Variants in GPN2 observed in about 807,000 individuals in gnomAD.
The protein encoded by GPN2 is ATP-binding domain 1 family member B.
In GPN2, 27 loss-of-function variants were observed where a neutral mutation model predicts 30.1. The ratio of observed to expected loss-of-function variants is 0.90; its 90% CI spans 0.66 to 1.24. The LOEUF is 1.24. GPN2 is among the 50% of genes most tolerant of loss of function. The pLI, the probability that GPN2 is intolerant of heterozygous loss-of-function variation, is 0.00. For synonymous variants in GPN2, 212 were observed against 174.4 expected (o/e 1.22, Z -1.70); for missense variants, 406 against 405.4 (o/e 1.00, Z -0.01).
intron 2 of GPN2, among the ~76,000 whole-genome samples, chr1:26,886,936 T>C (rs995726688): frequency 3.4e-5 from 5 of 145,648 alleles, no homozygotes; most frequent in African/African-American, 1.3e-4. Context: ...GAGGATGCAG[T>C]GAGCCGAGAT....
At chr1:26,882,898 T>C (rs2081871583) in intron 4 of GPN2, among the ~76,000 whole-genome samples, 2 of 152,202 alleles carry the variant, frequency 1.3e-5, no homozygotes, top group Non-Finnish European at 2.9e-5. Flanking sequence ...GCCTCAGTGA[T>C]TAGTACAACC....
chr1:26,888,800 G>C, intron 2 of GPN2, 169 bp downstream of exon 2: 1 of 671,544 alleles, frequency 1.5e-6, no homozygotes, highest in South Asian at 1.8e-5. Context: ...AATCTACAAC[G>C]GTAACTAGCA....
intron 2 of GPN2, among the ~76,000 whole-genome samples, chr1:26,887,632 G>C (rs1045200393): frequency 1.3e-5 from 2 of 151,740 alleles, no homozygotes; most frequent in African/African-American, 2.4e-5. Flanking sequence ...CATGATCTCG[G>C]CTCACTGCAA....
Position 26,889,140 on chromosome 1 carries a change from A to G in GPN2, c.412-15T>C. On this transcript the variant is annotated splice_polypyrimidine_tract_variant and intron_variant, in intron 1 of 4. Coordinates refer to ENST00000374135, the MANE Select transcript of GPN2 (RefSeq NM_018066.4). ...ACGGCAGTCAGCTGGGAGGGAATAG[A>G]CAGGGTGAGAGTGGCCTGGAGAAAC... The G allele has an allele frequency of 6.2e-7, 1 of 1,610,322 alleles. No individual in the cohort carries two copies. The highest frequency in any genetic ancestry group is 1.1e-5 in the South Asian group (1 of 90,978).
rs1312759995 is a variant in GPN2, at chr1:26,876,800, T to C, written c.*2877A>G. The stretch of plus-strand genomic sequence containing the variant: ...AGAAAATACCCTTGCTGTCAAACCA[T>C]GGCCTGAAAATAAAGGCCTTGGATT... On this transcript the variant is annotated 3_prime_UTR_variant, in exon 5 of 5. Transcript: ENST00000374135. 6.6e-6 allele frequency: 1 copy of C among 151,930 alleles called. No individual in the cohort carries two copies. The highest frequency in any genetic ancestry group is 1.9e-4 in the East Asian group (1 of 5,192). 9.4% of individuals were successfully genotyped at this position (151,930 alleles called of 1,614,324 possible).
intron 2 of GPN2, among the ~76,000 whole-genome samples, chr1:26,888,180 A>AC (rs2081901334): frequency 6.6e-6 from 1 of 151,874 alleles, no homozygotes; most frequent in African/African-American, 2.4e-5. Flanking sequence ...ATTTATCAAG[A>AC]AAAAAAAGCT....
At chr1:26,880,664 C>G (rs1439209023) in intron 4 of GPN2, among the ~76,000 whole-genome samples, 1 of 152,138 alleles carries the variant, frequency 6.6e-6, no homozygotes, top group Non-Finnish European at 1.5e-5. Context: ...TGGGGTCTCA[C>G]TATGTTACCC....
chr1:26,885,150 T>C (rs950420057), intron 3 of GPN2, among the ~76,000 whole-genome samples: 2 of 152,176 alleles, frequency 1.3e-5, no homozygotes, highest in Admixed American at 6.5e-5. Context: ...ATTGTTGTGA[T>C]TGATATTATA....
In GPN2 at chr1:26,889,674, C is replaced by G. The variant is rs371499489; in HGVS notation, c.411+12G>C. 17 of 1,560,210 alleles carry G rather than the reference C, an allele frequency of 1.1e-5. No homozygotes were observed. The highest frequency in any genetic ancestry group is 1.4e-5 in the Non-Finnish European group (16 of 1,149,674). ...CCATCCGCAAAATGGGCCTCCCCGC[C>G]CTGAGACGCACCCTGAGGTCCCACT... On this transcript the variant is annotated intron_variant, in intron 1 of 4. Transcript: ENST00000374135.
intron 4 of GPN2, among the ~76,000 whole-genome samples, chr1:26,882,053 T>C (rs888862380): frequency 6.6e-6 from 1 of 152,072 alleles, no homozygotes; most frequent in Non-Finnish European, 1.5e-5. Context: ...CTGTCTCTAC[T>C]AAAAATACAA....
At chr1:26,888,730 G>A (rs1447723390) in intron 2 of GPN2, among the ~76,000 whole-genome samples, 1 of 152,204 alleles carries the variant, frequency 6.6e-6, no homozygotes, top group Non-Finnish European at 1.5e-5. Context: ...AATATTCACT[G>A]TCGTATCACT....
At chr1:26,885,044 C>T (rs754519950) in intron 3 of GPN2, among the ~76,000 whole-genome samples, 3 of 152,166 alleles carry the variant, frequency 2.0e-5, no homozygotes, top group Non-Finnish European at 4.4e-5. Flanking sequence ...GTGATAAGAA[C>T]AGTCCATATA....
chr1:26,889,180 C>T lies in GPN2; in HGVS notation c.412-55G>A, dbSNP rs1043804920. The T allele has an allele frequency of 4.2e-6, 6 of 1,417,634 alleles. No individual in the cohort carries two copies. The African/African-American group carries it at 8.4e-5, about 20-fold the overall frequency. The allele number at this position is 1,417,634 out of a possible 1,614,324, so 87.8% of individuals were successfully genotyped here. Reference sequence around the variant, plus strand: ...CCTGGAGAAACAGGGATCAGCATTCCCTCATGAGAATGAGGGCTTGAGGAC... The same window carrying T: ...CCTGGAGAAACAGGGATCAGCATTCTCTCATGAGAATGAGGGCTTGAGGAC... On this transcript the variant is annotated intron_variant, in intron 1 of 4. Coordinates refer to ENST00000374135, the MANE Select transcript of GPN2 (RefSeq NM_018066.4).
At position 26,879,695 on chromosome 1, in the gene GPN2, C is replaced by G; in HGVS notation, c.915G>C (p.Gln305His). Residue 305 changes from glutamine to histidine, a missense_variant, in exon 5 of 5, where the codon CAG (glutamine) becomes CAC (histidine). Coordinates refer to ENST00000374135, the MANE Select transcript of GPN2 (RefSeq NM_018066.4). ...YLAPSNQSVE[Q>H]EAMQL ...CTTGTTGCTACAGCTGCATGGCTTC[C>G]TGCTCCACTGACTGGTTCGAGGGTG... The G allele has an allele frequency of 6.2e-7, 1 of 1,613,870 alleles. No homozygotes were observed. Among genetic ancestry groups the G allele is most frequent in the Non-Finnish European group, 8.5e-7 (1 of 1,179,784 alleles).
rs375704345 is a variant in GPN2, at chr1:26,884,709, G to A, written c.730-419C>T. 1.1e-3 allele frequency among the ~76,000 whole-genome samples: 171 copies of A among 152,296 alleles called. 1 individual carries two copies. Among genetic ancestry groups the A allele is most frequent in the East Asian group, 3.5e-3 (18 of 5,192 alleles). ...TTAAATCTATAACTGGGCCAGGCAC[G>A]GTGGTTCACACCTGTAAAGCCCAGC... is the stretch of plus-strand genomic sequence containing the variant. On this transcript the variant is annotated intron_variant, in intron 3 of 4. Coordinates refer to ENST00000374135, the MANE Select transcript of GPN2 (RefSeq NM_018066.4).
chr1:26,889,923 C>T lies in GPN2; in HGVS notation c.174G>A (p.Val58=). Residue 58 remains valine, a synonymous_variant, in exon 1 of 5, where the codon GTG becomes GTA. Transcript: ENST00000374135. ...CCAGCCCCACCAGCTCGCCCACGTC[C>T]ACGGCACACTCGTACGGCAGCCCCT... ...ANEGLPYECA[V]DVGELVGLGD... is the part of the protein sequence containing the mutation. The T allele has an allele frequency of 6.2e-7, 1 of 1,610,384 alleles. No homozygotes were observed. Among genetic ancestry groups the T allele is most frequent in the Non-Finnish European group, 8.5e-7 (1 of 1,179,028 alleles).
chr1:26,888,207 G>A (rs928125610), intron 2 of GPN2, among the ~76,000 whole-genome samples: 1 of 152,018 alleles, frequency 6.6e-6, no homozygotes, highest in Non-Finnish European at 1.5e-5. Context: ...TGGGACTCTA[G>A]CCAACTCCCC....
Position 26,889,018 on chromosome 1 carries a change from G to T in GPN2, c.519C>A (p.His173Gln). 6.2e-7 allele frequency: 1 copy of T among 1,614,200 alleles called. No homozygotes were observed. Residue 173 changes from histidine to glutamine, a missense_variant, in exon 2 of 5, where the codon CAC becomes CAA. Physicochemically the swap from His to Gln is conservative, Grantham distance 24 (BLOSUM62 0). Coordinates refer to ENST00000374135, the MANE Select transcript of GPN2 (RefSeq NM_018066.4). ...LATMLHVELPHINLLSKMDLI... is the reference protein window; with the variant it reads ...LATMLHVELPQINLLSKMDLI... ...GGTCCATCTTGGAAAGGAGGTTGATGTGGGGCAGTTCCACGTGCAGCATGG... is the reference window on the plus strand; with the variant it reads ...GGTCCATCTTGGAAAGGAGGTTGATTTGGGGCAGTTCCACGTGCAGCATGG...
At chr1:26,884,446 A>G (rs1335350615) in intron 3 of GPN2, 156 bp from the exon 4 acceptor site, 1 of 237,736 alleles carries the variant, frequency 4.2e-6, no homozygotes, top group Non-Finnish European at 6.8e-6. Flanking sequence ...GATAAATCTC[A>G]TGTTTCCTGA....
Sources: allele counts gnomAD v4.1 joint callset (sites outside exome capture counted in the v4.1 genomes callset), GRCh38; gene constraint gnomAD v4.1.1; transcripts MANE v1.5; gene names NCBI Gene and HGNC (gene_info 2026-07-23, HGNC 2026-07-21).